LINC00632: variants seen among roughly 807,000 people sequenced by gnomAD.
The protein encoded by LINC00632 is ALDOA related specific transcript.
intron 2 of LINC00632, among the ~76,000 whole-genome samples, chrX:140,726,728 A>G (rs750552141): frequency 8.9e-6 from 1 of 112,106 alleles, no homozygotes; most frequent in Non-Finnish European, 1.9e-5. Context: ...GGCTTCTTCC[A>G]CACCTCCTGG....
chrX:140,723,567 A>G (rs1602734661), intron 2 of LINC00632, among the ~76,000 whole-genome samples: 1 of 43,231 alleles, frequency 2.3e-5, no homozygotes, highest in Non-Finnish European at 4.7e-5. Flanking sequence ...ACAGACACAC[A>G]TTCCATACAC....
At chrX:140,759,332 CCTTCCTTCCTTCCTTT>C (rs796134989) in intron 3 of LINC00632, among the ~76,000 whole-genome samples, 3,434 of 53,810 alleles carry the variant, frequency 0.064, 78 homozygotes, top group Non-Finnish European at 0.085. Flanking sequence ...TTCCTTCCTT[CCTTCCTTCCTTCCTTT>C]CTTTCTTTCT....
At chrX:140,787,238 G>C (rs1050236086) in exon 5 of LINC00632, among the ~76,000 whole-genome samples, 8 of 111,010 alleles carry the variant, frequency 7.2e-5, no homozygotes, top group Non-Finnish European at 1.3e-4. Flanking sequence ...AAGGATTTTC[G>C]TGTATGCTCT....
chrX:140,751,087 G>T (rs1374347150), intron 3 of LINC00632, among the ~76,000 whole-genome samples: 7 of 111,429 alleles, frequency 6.3e-5, no homozygotes, highest in African/African-American at 2.0e-4. Context: ...TAATATAAAT[G>T]TCTGTGCATG....
chrX:140,784,247 C>T (rs367868045), exon 5 of LINC00632: 3 of 1,210,119 alleles, frequency 2.5e-6, no homozygotes, highest in Non-Finnish European at 3.4e-6. Flanking sequence ...TAATGTCTTC[C>T]AGCCTACTTG....
chrX:140,785,221 C>A (rs1932002590), exon 5 of LINC00632, among the ~76,000 whole-genome samples: 1 of 110,053 alleles, frequency 9.1e-6, no homozygotes, highest in Non-Finnish European at 1.9e-5. Flanking sequence ...AACAACAACA[C>A]TTAACATAGC....
intron 2 of LINC00632, among the ~76,000 whole-genome samples, chrX:140,732,858 G>C (rs928602209): frequency 1.1e-4 from 12 of 109,842 alleles, no homozygotes; most frequent in South Asian, 4.1e-4. Context: ...CCACCTCCCA[G>C]GTTCAAGCAG....
intron 3 of LINC00632, among the ~76,000 whole-genome samples, chrX:140,744,101 AT>A (rs1233770280): frequency 9.1e-6 from 1 of 110,467 alleles, no homozygotes; most frequent in Admixed American, 9.7e-5. Context: ...CATCATTTTG[AT>A]TTTTTTGCAC....
At chrX:140,767,110 A>G (rs2148398998) in intron 3 of LINC00632, among the ~76,000 whole-genome samples, 1 of 111,873 alleles carries the variant, frequency 8.9e-6, no homozygotes, top group East Asian at 2.8e-4. Flanking sequence ...AAATCTTAAC[A>G]TCATTAGTTT....
chrX:140,753,802 G>A (rs1931449994), intron 3 of LINC00632, among the ~76,000 whole-genome samples: 1 of 74,192 alleles, frequency 1.3e-5, no homozygotes, highest in Non-Finnish European at 2.4e-5. Flanking sequence ...TTGAGGTGGA[G>A]TCTTGCTCTG....
chrX:140,747,354 C>G lies in LINC00632; in HGVS notation n.191+13390C>G, dbSNP rs929389443. Reference sequence around the variant, plus strand: ...ACCAGCCTGGCCAACATGGTGAAACCCTGTCTCTACTAAAAATACAAAAAT... The same window carrying G: ...ACCAGCCTGGCCAACATGGTGAAACGCTGTCTCTACTAAAAATACAAAAAT... On this transcript the variant is annotated intron_variant and non_coding_transcript_variant, in intron 3 of 4. Transcript: ENST00000648200. Among the ~76,000 whole-genome samples, 14 of 109,999 alleles carry G rather than the reference C, an allele frequency of 1.3e-4. 1 individual carries two copies. Among genetic ancestry groups the G allele is most frequent in the Admixed American group, 4.9e-4 (5 of 10,267 alleles).
At chrX:140,752,164 C>A (rs925385904) in intron 3 of LINC00632, among the ~76,000 whole-genome samples, 2 of 111,830 alleles carry the variant, frequency 1.8e-5, no homozygotes, top group African/African-American at 6.5e-5. Context: ...TAAAGCTCAT[C>A]TCAAATGCAT....
chrX:140,751,097 G>A (rs1166470670), intron 3 of LINC00632, among the ~76,000 whole-genome samples: 1 of 111,408 alleles, frequency 9.0e-6, no homozygotes, highest in Admixed American at 9.6e-5. Context: ...GTCTGTGCAT[G>A]TGTCTCTTTG....
chrX:140,726,780 T>C (rs73590146), intron 2 of LINC00632, among the ~76,000 whole-genome samples: 5,009 of 111,609 alleles, frequency 0.045, 292 homozygotes, highest in African/African-American at 0.15. Flanking sequence ...AAGATATAGA[T>C]TTCTCAGAAC....
chrX:140,710,003 A>G (rs1167993025), intron 1 of LINC00632, among the ~76,000 whole-genome samples: 6 of 112,334 alleles, frequency 5.3e-5, no homozygotes, highest in Non-Finnish European at 1.9e-5. Context: ...TTCTTAAATG[A>G]TGGAGTTGCT....
In LINC00632 at chrX:140,753,137, G is replaced by C. The variant is rs113226788; in HGVS notation, n.192-18941G>C. The stretch of plus-strand genomic sequence containing the variant: ...GATTAAATACTTTTTCGAAAATTAA[G>C]AAAAGGGAAAATTAGGACAGATGCC... On this transcript the variant is annotated intron_variant and non_coding_transcript_variant, in intron 3 of 4. Transcript: ENST00000648200. Among the ~76,000 whole-genome samples, 457 of 111,783 alleles carry C rather than the reference G, an allele frequency of 4.1e-3. 3 individuals are homozygous for C. The highest frequency in any genetic ancestry group is 0.014 in the African/African-American group (437 of 30,872).
intron 2 of LINC00632, among the ~76,000 whole-genome samples, chrX:140,731,465 C>T (rs1038633138): frequency 1.8e-5 from 2 of 111,245 alleles, no homozygotes. Flanking sequence ...TGAATTCTGT[C>T]TCTGCCACTT....
intron 2 of LINC00632, among the ~76,000 whole-genome samples, chrX:140,721,205 T>C (rs956569882): frequency 8.9e-5 from 10 of 111,827 alleles, no homozygotes; most frequent in African/African-American, 2.6e-4. Context: ...AACCAAGTCC[T>C]GCAGCACTAA....
At chrX:140,744,065 A>C (rs1286582169) in intron 3 of LINC00632, among the ~76,000 whole-genome samples, 1 of 111,563 alleles carries the variant, frequency 9.0e-6, no homozygotes, top group Non-Finnish European at 1.9e-5. Flanking sequence ...GTCAGAATGC[A>C]AGGGTAAGGT....
Sources: allele counts gnomAD v4.1 joint callset (sites outside exome capture counted in the v4.1 genomes callset), GRCh38; gene constraint gnomAD v4.1.1; transcripts MANE v1.5; gene names NCBI Gene and HGNC (gene_info 2026-07-23, HGNC 2026-07-21).